ERG: variants seen among roughly 807,000 people sequenced by gnomAD.
The protein encoded by ERG is transcriptional regulator ERG.
Under a neutral mutation model 55.3 loss-of-function variants are expected in ERG, and 9 were observed. The observed-to-expected ratio is 0.16, with a 90% CI of 0.10 to 0.28. The LOEUF (loss-of-function observed/expected upper bound fraction) is 0.28, where lower values mean the gene tolerates loss of function less well. Among genes scored for constraint, ERG ranks in the 10% least tolerant of loss-of-function variants. The probability of loss-of-function intolerance (pLI) is 1.00; values close to 1 mark genes in which losing one functional copy is unlikely to be tolerated. For missense variants in ERG, 434 were observed against 631.6 expected, an observed-to-expected ratio of 0.69 and a Z score of 3.35; for synonymous variants, 223 against 237.3, an observed-to-expected ratio of 0.94 and a Z score of 0.55.
At chr21:38,389,014 T>G (rs1987842030) in intron 9 of ERG, among the ~76,000 whole-genome samples, 1 of 152,200 alleles carries the variant, frequency 6.6e-6, no homozygotes. Flanking sequence ...AAAGGCCAGT[T>G]TGGTCTTCTT....
intron 2 of ERG, among the ~76,000 whole-genome samples, chr21:38,509,894 G>A (rs1485962002): frequency 6.6e-6 from 1 of 152,194 alleles, no homozygotes; most frequent in Non-Finnish European, 1.5e-5. Flanking sequence ...GAAATCAGAG[G>A]CTCTGTCCCT....
intron 1 of ERG, among the ~76,000 whole-genome samples, chr21:38,488,960 C>T (rs1347252822): frequency 6.6e-6 from 1 of 152,186 alleles, no homozygotes; most frequent in Non-Finnish European, 1.5e-5. Context: ...ACAGAATTCT[C>T]CTAGAAAATC....
intron 1 of ERG, among the ~76,000 whole-genome samples, chr21:38,483,427 T>C (rs111668222): frequency 0.034 from 5,142 of 152,254 alleles, 185 homozygotes; most frequent in East Asian, 0.13. Flanking sequence ...AATAAAACTT[T>C]TAAAAAATAA....
intron 2 of ERG, among the ~76,000 whole-genome samples, chr21:38,527,953 G>A (rs184615313): frequency 1.2e-3 from 185 of 152,302 alleles, no homozygotes; most frequent in Non-Finnish European, 2.4e-3. Flanking sequence ...TTCCGCCACC[G>A]AAATGTATTT....
Position 38,575,891 on chromosome 21 carries a change from G to A in ERG, c.-126-144C>T, listed in dbSNP as rs149365830. Reference sequence around the variant, plus strand: ...ATGTTTGCCTAAAGGCATCCTCTAGGTACGTGTGGTCCATGAGGTGACTAG... The same window carrying A: ...ATGTTTGCCTAAAGGCATCCTCTAGATACGTGTGGTCCATGAGGTGACTAG... On this transcript the variant is annotated intron_variant, in intron 1 of 8. Coordinates refer to the ERG transcript ENST00000398897. The A allele has an allele frequency of 1.5e-3, 939 of 642,530 alleles. 4 individuals are homozygous for A. The highest frequency in any genetic ancestry group is 0.012 in the African/African-American group (671 of 55,064). 39.8% of individuals were successfully genotyped at this position (642,530 alleles called of 1,614,324 possible).
chr21:38,661,399 G>A (rs950862550), intron 1 of ERG, among the ~76,000 whole-genome samples: 1 of 152,234 alleles, frequency 6.6e-6, no homozygotes, highest in Non-Finnish European at 1.5e-5. Context: ...TCCGGAGGGA[G>A]AGGCGCGGTG....
intron 1 of ERG, among the ~76,000 whole-genome samples, chr21:38,614,190 TG>T (rs1168201099): frequency 6.6e-6 from 1 of 152,130 alleles, no homozygotes; most frequent in Non-Finnish European, 1.5e-5. Context: ...ATAACTTATA[TG>T]TAGGAGAAAC....
chr21:38,371,712 C>T, the ERG span, among the ~76,000 whole-genome samples: 1 of 151,956 alleles, frequency 6.6e-6, no homozygotes, highest in Non-Finnish European at 1.5e-5. Context: ...GATCAACCCA[C>T]CTTGATCATG....
At chr21:38,392,630 T>A (rs1988028941) in intron 6 of ERG, among the ~76,000 whole-genome samples, 186 bp from the exon 7 acceptor site, 1 of 152,238 alleles carries the variant, frequency 6.6e-6, no homozygotes, top group Admixed American at 6.5e-5. Flanking sequence ...TATAGTGGTC[T>A]AAAATTCTCA....
intron 1 of ERG, among the ~76,000 whole-genome samples, chr21:38,632,338 A>C (rs2146958678): frequency 1.3e-5 from 2 of 152,336 alleles, no homozygotes; most frequent in Middle Eastern, 6.8e-3. Flanking sequence ...CACACCCATT[A>C]GGATGAACAC....
intron 1 of ERG, among the ~76,000 whole-genome samples, chr21:38,457,926 C>T (rs2146588187): frequency 6.6e-6 from 1 of 152,356 alleles, no homozygotes; most frequent in South Asian, 2.1e-4. Flanking sequence ...TTTGCACTTG[C>T]TCTCTTCCAC....
intron 1 of ERG, among the ~76,000 whole-genome samples, chr21:38,578,386 C>T (rs1201311703): frequency 1.3e-5 from 2 of 152,202 alleles, no homozygotes; most frequent in African/African-American, 2.4e-5. Flanking sequence ...CACTCAACTC[C>T]TCCTGTACCC....
chr21:38,654,251 G>A (rs887699686), intron 1 of ERG, among the ~76,000 whole-genome samples: 12 of 152,380 alleles, frequency 7.9e-5, no homozygotes, highest in African/African-American at 1.9e-4. Flanking sequence ...GACGAGGCGG[G>A]CAGATCACCT....
At chr21:38,370,259 C>T in the ERG span, among the ~76,000 whole-genome samples, 1 of 151,932 alleles carries the variant, frequency 6.6e-6, no homozygotes, top group South Asian at 2.1e-4. Context: ...GTGATCTATT[C>T]AATTCTTTTG....
At chr21:38,445,696 A>G in intron 1 of ERG, 75 bp from the exon 2 acceptor site, 1 of 1,229,032 alleles carries the variant, frequency 8.1e-7, no homozygotes, top group Non-Finnish European at 1.2e-6. Context: ...TTGATTTCAG[A>G]GTCCTTTCTA....
chr21:38,598,119 C>A (rs1193205881), intron 1 of ERG, among the ~76,000 whole-genome samples: 3 of 152,142 alleles, frequency 2.0e-5, no homozygotes, highest in Non-Finnish European at 2.9e-5. Context: ...GGACTGTAAG[C>A]CCGACCTTGC....
At chr21:38,379,374 A>G (rs1987327799), downstream of ERG, among the ~76,000 whole-genome samples, 1 of 152,226 alleles carries the variant, frequency 6.6e-6, no homozygotes, top group Admixed American at 6.5e-5. Context: ...ATGAGTCATG[A>G]GTCATAAACT....
chr21:38,459,655 T>C (rs2146592674), intron 1 of ERG, among the ~76,000 whole-genome samples: 1 of 152,324 alleles, frequency 6.6e-6, no homozygotes, highest in Admixed American at 6.5e-5. Context: ...TCAGAGGATT[T>C]AGAAGTTTGC....
intron 2 of ERG, among the ~76,000 whole-genome samples, chr21:38,570,358 T>C (rs1253927137): frequency 1.3e-5 from 2 of 152,248 alleles, no homozygotes; most frequent in African/African-American, 4.8e-5. Context: ...CCCTGTGATG[T>C]TGCTTGAGGA....
Sources: gnomAD v4.1 joint callset for allele counts (sites outside exome capture counted in the v4.1 genomes callset) on GRCh38, gnomAD v4.1.1 for gene constraint, MANE v1.5 for transcripts, NCBI Gene and HGNC (gene_info 2026-07-23, HGNC 2026-07-21) for gene names.